Variants in PTPN9 observed in about 807,000 individuals in gnomAD.
PTPN9 encodes tyrosine-protein phosphatase non-receptor type 9.
In PTPN9, 26 loss-of-function variants were observed where a neutral mutation model predicts 69.8. The ratio of observed to expected loss-of-function variants is 0.37; its 90% CI spans 0.27 to 0.52. PTPN9 has a LOEUF of 0.52. Ranked by LOEUF, PTPN9 falls within the 20% of genes least tolerant of loss-of-function variation. The probability of loss-of-function intolerance (pLI) is 0.91; values close to 1 mark genes in which losing one functional copy is unlikely to be tolerated. For synonymous variants in PTPN9, 274 were observed against 272.5 expected (o/e 1.01, Z -0.05); for missense variants, 549 against 740.3 (o/e 0.74, Z 3.00).
intron 7 of PTPN9, among the ~76,000 whole-genome samples, chr15:75,505,330 C>A (rs2074812925): frequency 6.7e-6 from 1 of 149,778 alleles, no homozygotes; most frequent in Non-Finnish European, 1.5e-5. Flanking sequence ...CGGAAGGCCG[C>A]AGGGTCCTCT....
rs889539273 is a variant in PTPN9, at chr15:75,468,356, G to C, written c.*413C>G. 1.7e-5 allele frequency: 3 copies of C among 178,094 alleles called. No homozygotes were observed. Among genetic ancestry groups the C allele is most frequent in the African/African-American group, 7.0e-5 (3 of 42,656 alleles). The allele number at this position is 178,094 out of a possible 1,614,324, so 11.0% of individuals were successfully genotyped here. On this transcript the variant is annotated 3_prime_UTR_variant, in exon 13 of 13. Coordinates refer to ENST00000618819, the MANE Select transcript of PTPN9 (RefSeq NM_002833.4). ...TATGTAACTTGGTCAAGCTCTCTGG[G>C]GAGAAAGGCAAATGCTCATCAAACC...
chr15:75,556,036 CAAAAAAA>C (rs75583219), intron 1 of PTPN9, among the ~76,000 whole-genome samples: 29 of 43,276 alleles, frequency 6.7e-4, no homozygotes, highest in African/African-American at 1.8e-3. Flanking sequence ...ACCCCCGTCT[CAAAAAAA>C]AAAAAAAAAA....
At chr15:75,506,256 T>C (rs1448349776) in intron 6 of PTPN9, among the ~76,000 whole-genome samples, 2 of 152,190 alleles carry the variant, frequency 1.3e-5, no homozygotes, top group Admixed American at 1.3e-4. Flanking sequence ...CTGTTATACA[T>C]CTTCTGAAAG....
intron 1 of PTPN9, among the ~76,000 whole-genome samples, chr15:75,527,678 C>G (rs1164545031): frequency 6.6e-6 from 1 of 151,944 alleles, no homozygotes; most frequent in Non-Finnish European, 1.5e-5. Flanking sequence ...CATGGTGAAA[C>G]TCCATCCATC....
rs567910369 is a variant in PTPN9, at chr15:75,573,629, A to C, written c.63+5085T>G. ...TTTTAAGCCACTCTGAAAGAAGATG[A>C]TGCTGCCTGTATACAAATCAAGAGT... On this transcript the variant is annotated intron_variant, in intron 1 of 12. Transcript: ENST00000618819. Among the ~76,000 whole-genome samples the C allele has an allele frequency of 9.3e-4, 142 of 152,344 alleles. 2 individuals carry two copies. In the South Asian group the frequency reaches 0.028, roughly 30 times the overall value.
chr15:75,510,456 C>T (rs371467760), intron 5 of PTPN9, among the ~76,000 whole-genome samples: 14 of 152,184 alleles, frequency 9.2e-5, no homozygotes, highest in East Asian at 5.8e-4. Flanking sequence ...CGGCTGGTTT[C>T]GAACTCCTGA....
At chr15:75,499,320 C>T (rs1277581144) in intron 7 of PTPN9, among the ~76,000 whole-genome samples, 1 of 151,036 alleles carries the variant, frequency 6.6e-6, no homozygotes, top group Non-Finnish European at 1.5e-5. Context: ...AGGAAGTCCT[C>T]TCATTAGATG....
intron 1 of PTPN9, among the ~76,000 whole-genome samples, chr15:75,531,875 T>G (rs962612207): frequency 2.0e-5 from 3 of 152,172 alleles, no homozygotes; most frequent in African/African-American, 7.2e-5. Context: ...TGGTACCTGT[T>G]TTTTAATTAA....
intron 1 of PTPN9, among the ~76,000 whole-genome samples, chr15:75,530,555 TTATATATTATTATATTATAATATAC>T (rs2074952897): frequency 3.3e-5 from 1 of 30,434 alleles, no homozygotes; most frequent in African/African-American, 1.8e-4. Flanking sequence ...TTATAATATA[TTATATATTATTATATTATAATATAC>T]TATAATATAT....
intron 4 of PTPN9, among the ~76,000 whole-genome samples, chr15:75,518,294 A>G (rs768168836): frequency 1.3e-5 from 2 of 151,928 alleles, no homozygotes; most frequent in Admixed American, 6.6e-5. Context: ...AGGTCATGCC[A>G]CTGCACTCCA....
chr15:75,501,620 T>G (rs951585761), intron 7 of PTPN9, among the ~76,000 whole-genome samples: 1 of 151,952 alleles, frequency 6.6e-6, no homozygotes, highest in African/African-American at 2.4e-5. Flanking sequence ...CCTGGCTAAT[T>G]TTTTCGTTTT....
chr15:75,515,341 G>A (rs1415607648), intron 5 of PTPN9, among the ~76,000 whole-genome samples: 1 of 150,980 alleles, frequency 6.6e-6, no homozygotes, highest in Non-Finnish European at 1.5e-5. Flanking sequence ...GCAGGAGAAC[G>A]GCGTGAACCT....
chr15:75,494,289 C>T (rs1419234728), intron 7 of PTPN9, among the ~76,000 whole-genome samples: 3 of 151,958 alleles, frequency 2.0e-5, no homozygotes, highest in African/African-American at 4.8e-5. Flanking sequence ...TTAAAAGAAT[C>T]TATCAAGTAA....
intron 7 of PTPN9, among the ~76,000 whole-genome samples, chr15:75,503,435 C>G: frequency 2.0e-5 from 3 of 146,372 alleles, no homozygotes; most frequent in African/African-American, 7.7e-5. Flanking sequence ...AGCCCCTCCG[C>G]CCGGCAGCCG....
At chr15:75,506,125 G>C (rs2074818697) in intron 6 of PTPN9, 122 bp from the exon 7 acceptor site, 1 of 746,774 alleles carries the variant, frequency 1.3e-6, no homozygotes, top group Non-Finnish European at 2.1e-6. Flanking sequence ...GAAATACAAG[G>C]TATACTTGTA....
intron 7 of PTPN9, among the ~76,000 whole-genome samples, chr15:75,500,344 TAC>T (rs35248279): frequency 0.022 from 3,192 of 142,246 alleles, 67 homozygotes; most frequent in East Asian, 0.13. Context: ...CAAACATACA[TAC>T]ACACACACAC....
At chr15:75,543,419 C>G (rs1383598013) in intron 1 of PTPN9, among the ~76,000 whole-genome samples, 2 of 152,194 alleles carry the variant, frequency 1.3e-5, no homozygotes, top group Non-Finnish European at 2.9e-5. Context: ...TCCAAGGTTA[C>G]TCAACCAATA....
At chr15:75,540,587 A>C (rs1382429541) in intron 1 of PTPN9, among the ~76,000 whole-genome samples, 1 of 146,284 alleles carries the variant, frequency 6.8e-6, no homozygotes, top group Non-Finnish European at 1.5e-5. Flanking sequence ...AAGAAAGAAA[A>C]ATGTGAATCA....
At chr15:75,483,448 G>A (rs2074656262) in intron 8 of PTPN9, among the ~76,000 whole-genome samples, 1 of 152,198 alleles carries the variant, frequency 6.6e-6, no homozygotes, top group South Asian at 2.1e-4. Context: ...CTAAATGATA[G>A]AAGCCAGACA....
Sources: allele counts gnomAD v4.1 joint callset (sites outside exome capture counted in the v4.1 genomes callset), GRCh38; gene constraint gnomAD v4.1.1; transcripts MANE v1.5; gene names NCBI Gene and HGNC (gene_info 2026-07-23, HGNC 2026-07-21).